The following RIMS1 variants were observed in gnomAD, a reference collection of about 807,000 sequenced individuals.
RIMS1 encodes the protein regulating synaptic membrane exocytosis 1.
In RIMS1, 83 loss-of-function variants were observed where a neutral mutation model predicts 214.1. That is an observed-to-expected ratio of 0.39 (90% CI 0.32 to 0.47). The LOEUF (loss-of-function observed/expected upper bound fraction) is 0.47. Among genes scored for constraint, RIMS1 ranks in the 20% least tolerant of loss-of-function variants. RIMS1 has a pLI of 0.99. For synonymous variants in RIMS1, 793 were observed against 786.8 expected (o/e 1.01, Z -0.13); for missense variants, 2,050 against 2,161.8 (o/e 0.95, Z 1.03).
At chr6:72,065,337 G>A (rs964203431) in intron 2 of RIMS1, among the ~76,000 whole-genome samples, 9 of 152,106 alleles carry the variant, frequency 5.9e-5, no homozygotes, top group African/African-American at 1.9e-4. Flanking sequence ...ACATCCCATC[G>A]ATATCTGCTG....
chr6:71,910,848 T>A (rs1043513321), intron 1 of RIMS1, among the ~76,000 whole-genome samples: 1 of 152,094 alleles, frequency 6.6e-6, no homozygotes, highest in Non-Finnish European at 1.5e-5. Flanking sequence ...TTTCACTACC[T>A]TTTGGCCTAG....
rs58934201 is a variant in RIMS1, at chr6:72,098,289, C to CTT, written c.459+1141_459+1142dup. On this transcript the variant is annotated intron_variant, in intron 3 of 33. Coordinates refer to ENST00000521978, the MANE Select transcript of RIMS1 (RefSeq NM_014989.7). ...AAGACACTGAGTATGATCAATATATCTTTTTTTTTTTTTTTCTTTTTTTTC... is the reference window on the plus strand; with the variant it reads ...AAGACACTGAGTATGATCAATATATCTTTTTTTTTTTTTTTTTCTTTTTTTTC... Among the ~76,000 whole-genome samples, 224 of 143,382 alleles carry CTT rather than the reference C, an allele frequency of 1.6e-3. 2 individuals are homozygous for CTT. The highest frequency in any genetic ancestry group is 5.5e-3 in the African/African-American group (214 of 38,916). The allele number at this position is 143,382 out of a possible 152,430, so 94.1% of individuals were successfully genotyped here. A position where few individuals can be genotyped will look rare whatever the true frequency, so the allele number is the denominator to read the frequency against.
At chr6:72,060,157 C>T (rs1049607340) in intron 2 of RIMS1, among the ~76,000 whole-genome samples, 4 of 151,816 alleles carry the variant, frequency 2.6e-5, no homozygotes, top group Non-Finnish European at 4.4e-5. Context: ...TAAGTAGAGA[C>T]AGGGTTTCTC....
At chr6:72,212,629 CTTTA>C (rs926691728) in intron 6 of RIMS1, among the ~76,000 whole-genome samples, 3 of 152,052 alleles carry the variant, frequency 2.0e-5, no homozygotes, top group South Asian at 2.1e-4. Context: ...CATAAAAATC[CTTTA>C]TTTAGCCTTC....
In RIMS1 at chr6:71,931,064, A is replaced by G. The variant is rs143719040; in HGVS notation, c.165-37919A>G. ...TGTTCATAGTTTCATGTATTCCTGT[A>G]TAACTGCTATTTAAAACACCGAATT... On this transcript the variant is annotated intron_variant, in intron 1 of 33. Transcript: ENST00000521978. Among the ~76,000 whole-genome samples, 1,356 of 152,192 alleles carry G rather than the reference A, an allele frequency of 8.9e-3. 13 individuals are homozygous for G. The highest frequency in any genetic ancestry group is 0.016 in the Non-Finnish European group (1,059 of 67,914).
At chr6:72,287,124 G>A (rs1305563551) in intron 24 of RIMS1, among the ~76,000 whole-genome samples, 5 of 152,124 alleles carry the variant, frequency 3.3e-5, no homozygotes, top group African/African-American at 1.2e-4. Flanking sequence ...TTTTCTTCCT[G>A]TAGAAACTAC....
intron 1 of RIMS1, among the ~76,000 whole-genome samples, chr6:71,940,516 T>C (rs1030638384): frequency 1.2e-4 from 18 of 152,154 alleles, no homozygotes; most frequent in African/African-American, 4.1e-4. Context: ...ACAAGTAAAG[T>C]GTGGTCTGTC....
At chr6:71,986,997 A>C (rs1584237080) in intron 2 of RIMS1, among the ~76,000 whole-genome samples, 1 of 152,370 alleles carries the variant, frequency 6.6e-6, no homozygotes, top group Non-Finnish European at 1.5e-5. Flanking sequence ...TTTGGAGAAG[A>C]GGATAAATGA....
intron 29 of RIMS1, among the ~76,000 whole-genome samples, chr6:72,336,333 G>T (rs2096843292): frequency 6.6e-6 from 1 of 151,568 alleles, no homozygotes; most frequent in African/African-American, 2.4e-5. Context: ...ATAAGTAATG[G>T]GTTCAAATTA....
At chr6:71,974,841 G>A (rs1193107925) in intron 2 of RIMS1, among the ~76,000 whole-genome samples, 2 of 152,084 alleles carry the variant, frequency 1.3e-5, no homozygotes, top group African/African-American at 4.8e-5. Context: ...TTCAAACTCA[G>A]GAGAGACTTA....
intron 30 of RIMS1, 170 bp downstream of exon 30, chr6:72,390,906 C>A: frequency 1.7e-6 from 1 of 575,604 alleles, no homozygotes; most frequent in Non-Finnish European, 2.9e-6. Flanking sequence ...ATGGACACAC[C>A]TCTACACCTG....
Position 72,099,955 on chromosome 6 carries a change from C to G in RIMS1, c.460-20C>G. On this transcript the variant is annotated intron_variant, in intron 3 of 33. Coordinates refer to ENST00000521978, the MANE Select transcript of RIMS1 (RefSeq NM_014989.7). ...TTTGTCTTCTTTCTCTACTCTGCTT[C>G]CTTGGATGCTTTCCCAAAGGAGGAC... The G allele has an allele frequency of 6.3e-7, 1 of 1,599,792 alleles. No homozygotes were observed. The highest frequency in any genetic ancestry group is 8.6e-7 in the Non-Finnish European group (1 of 1,168,274).
At chr6:72,006,950 CCTGT>C (rs1807940095) in intron 2 of RIMS1, among the ~76,000 whole-genome samples, 1 of 152,170 alleles carries the variant, frequency 6.6e-6, no homozygotes, top group African/African-American at 2.4e-5. Flanking sequence ...CTTAAATGTC[CCTGT>C]CTGACAGCTT....
rs377244964 is a variant in RIMS1, at chr6:72,047,398, G to GTAA, written c.246-49549_246-49547dup. 6.4e-3 allele frequency among the ~76,000 whole-genome samples: 979 copies of GTAA among 152,238 alleles called. 11 individuals carry two copies. Among genetic ancestry groups the GTAA allele is most frequent in the African/African-American group, 0.022 (922 of 41,536 alleles). On this transcript the variant is annotated intron_variant, in intron 2 of 33. Transcript: ENST00000521978. Reference sequence around the variant, plus strand: ...TGCAGAGGAGGGATTCTGGGCTGGAGTAATTCTAGAAATGATGATCACATT... The same window carrying GTAA: ...TGCAGAGGAGGGATTCTGGGCTGGAGTAATAATTCTAGAAATGATGATCACATT...
At chr6:71,984,739 A>C (rs1799402962) in intron 2 of RIMS1, among the ~76,000 whole-genome samples, 1 of 114,942 alleles carries the variant, frequency 8.7e-6, no homozygotes, top group South Asian at 2.8e-4. Context: ...CTATGTATCC[A>C]TCTGTGTATG....
chr6:72,235,245 T>C (rs2154091333), intron 7 of RIMS1, among the ~76,000 whole-genome samples: 1 of 152,152 alleles, frequency 6.6e-6, no homozygotes, highest in Non-Finnish European at 1.5e-5. Flanking sequence ...TTGGAAACTA[T>C]ATATTATTAA....
intron 6 of RIMS1, among the ~76,000 whole-genome samples, chr6:72,225,141 C>T (rs1292159391): frequency 6.6e-6 from 1 of 151,996 alleles, no homozygotes; most frequent in African/African-American, 2.4e-5. Flanking sequence ...AAAAGAAAGG[C>T]AAAAACAAAC....
intron 2 of RIMS1, among the ~76,000 whole-genome samples, chr6:72,064,291 C>A (rs1828692472): frequency 6.6e-6 from 1 of 151,116 alleles, no homozygotes; most frequent in Admixed American, 6.6e-5. Flanking sequence ...GCACTCCAGC[C>A]TGGGCAACAA....
Position 72,099,984 on chromosome 6 carries a change from G to T in RIMS1, c.469G>T (p.Val157Leu). ...VSLRSNNEDKVVMWVCNLCRK... is the reference protein window; with the variant it reads ...VSLRSNNEDKLVMWVCNLCRK... The stretch of plus-strand genomic sequence containing the variant: ...GGATGCTTTCCCAAAGGAGGACAAA[G>T]TGGTTAGAATCCATACTTTCTTTTC... Residue 157 changes from valine to leucine, a missense_variant and splice_region_variant, in exon 4 of 34, where the codon GTG becomes TTG. Val to Leu is a conservative substitution (Grantham distance 32). Around this residue, in one of 6 missense-constraint regions of RIMS1, gnomAD observed 882 missense variants for 828.9 expected, o/e 1.06. Transcript: ENST00000521978. 1 of 1,605,924 alleles carries T rather than the reference G, an allele frequency of 6.2e-7. No individual in the cohort carries two copies. Among genetic ancestry groups the T allele is most frequent in the Non-Finnish European group, 8.5e-7 (1 of 1,173,596 alleles).
Sources: allele counts gnomAD v4.1 joint callset (sites outside exome capture counted in the v4.1 genomes callset), GRCh38; gene constraint gnomAD v4.1.1; regional missense constraint gnomAD v4.1.1; transcripts MANE v1.5; gene names NCBI Gene and HGNC (gene_info 2026-07-23, HGNC 2026-07-21).